The following CPQ variants were observed in gnomAD, a reference collection of about 807,000 sequenced individuals.
The protein encoded by CPQ is Ser-Met dipeptidase.
A neutral mutation model predicts 45.7 loss-of-function variants in CPQ; 37 were observed. The ratio of observed to expected loss-of-function variants is 0.81; its 90% CI spans 0.62 to 1.07. CPQ has a LOEUF of 1.07. Among genes scored for constraint, CPQ ranks in the 50% least tolerant of loss-of-function variants. The pLI is 0.00. For missense variants in CPQ, 537 were observed against 572.9 expected (o/e 0.94, Z 0.64); for synonymous variants, 186 against 205.8 (o/e 0.90, Z 0.82).
At position 96,786,690 on chromosome 8, in the gene CPQ, A is replaced by G. The variant is rs180865313; in HGVS notation, c.433+1360A>G. Among the ~76,000 whole-genome samples the G allele has an allele frequency of 3.7e-3, 566 of 152,114 alleles. 8 individuals carry two copies. The highest frequency in any genetic ancestry group is 0.011 in the Admixed American group (173 of 15,248). ...CATATGCTTGCCAACACTTGTTATTATCTGTCTTCTTGGTTATAGCTATTC... is the reference window on the plus strand; with the variant it reads ...CATATGCTTGCCAACACTTGTTATTGTCTGTCTTCTTGGTTATAGCTATTC... On this transcript the variant is annotated intron_variant, in intron 2 of 7. Coordinates refer to ENST00000220763, the MANE Select transcript of CPQ (RefSeq NM_016134.4).
At chr8:96,690,390 T>A (rs1809290380) in intron 1 of CPQ, among the ~76,000 whole-genome samples, 1 of 152,160 alleles carries the variant, frequency 6.6e-6, no homozygotes, top group Admixed American at 6.6e-5. Context: ...AGTATTTTTT[T>A]TAATTTAGCT....
At chr8:97,008,682 A>G (rs933277416) in intron 5 of CPQ, among the ~76,000 whole-genome samples, 5 of 152,142 alleles carry the variant, frequency 3.3e-5, no homozygotes, top group Admixed American at 6.5e-5. Flanking sequence ...CCATTATTAT[A>G]TATGTGACCA....
At chr8:96,986,854 T>C (rs1808992296) in intron 5 of CPQ, among the ~76,000 whole-genome samples, 1 of 152,178 alleles carries the variant, frequency 6.6e-6, no homozygotes, top group Non-Finnish European at 1.5e-5. Flanking sequence ...TATTTTTCCA[T>C]AGGGAGAAAA....
rs569499762 is a variant in CPQ at position 97,122,866 on chromosome 8, C to A, written c.1256-20154C>A. 1.2e-3 allele frequency among the ~76,000 whole-genome samples: 174 copies of A among 139,648 alleles called. 1 individual carries two copies. The highest frequency in any genetic ancestry group is 4.5e-3 in the African/African-American group (166 of 36,704). The allele number at this position is 139,648 out of a possible 152,430, so 91.6% of individuals were successfully genotyped here. ...CACCACTGTACTCCAGCCTGGGCAA[C>A]AGAGTGAAACTCTGTCTCAATAAAA... On this transcript the variant is annotated intron_variant, in intron 7 of 7. Coordinates refer to ENST00000220763, the MANE Select transcript of CPQ (RefSeq NM_016134.4).
chr8:97,068,494 G>A (rs1563571574), intron 7 of CPQ, among the ~76,000 whole-genome samples: 1 of 152,102 alleles, frequency 6.6e-6, no homozygotes, highest in Non-Finnish European at 1.5e-5. Flanking sequence ...TTAGCCGGAT[G>A]TGGTGGTGCA....
At chr8:97,066,347 T>G in intron 7 of CPQ, 137 bp downstream of exon 7, 1 of 722,922 alleles carries the variant, frequency 1.4e-6, no homozygotes, top group Non-Finnish European at 2.2e-6. Context: ...CAAGGTATAA[T>G]CTGATGATTT....
intron 3 of CPQ, among the ~76,000 whole-genome samples, chr8:96,842,779 C>T (rs767195022): frequency 1.1e-4 from 17 of 152,212 alleles, no homozygotes; most frequent in Admixed American, 2.6e-4. Flanking sequence ...GACTCCATGC[C>T]TGTGTCTTTG....
intron 1 of CPQ, among the ~76,000 whole-genome samples, chr8:96,775,185 C>T (rs1158685172): frequency 6.6e-6 from 1 of 152,106 alleles, no homozygotes; most frequent in Non-Finnish European, 1.5e-5. Flanking sequence ...TTGTTGAATT[C>T]ACTTAAATAC....
intron 3 of CPQ, among the ~76,000 whole-genome samples, chr8:96,866,230 A>G (rs972100794): frequency 6.6e-6 from 1 of 152,048 alleles, no homozygotes; most frequent in African/African-American, 2.4e-5. Flanking sequence ...TGGCCAGTCA[A>G]CCTGGTAACC....
chr8:96,847,836 CTTTTT>C (rs76194040), intron 3 of CPQ, among the ~76,000 whole-genome samples: 1 of 84,532 alleles, frequency 1.2e-5, no homozygotes, highest in Non-Finnish European at 2.6e-5. Flanking sequence ...ATTTGTTTTC[CTTTTT>C]TTTTTTTTTT....
intron 2 of CPQ, among the ~76,000 whole-genome samples, chr8:96,802,202 T>C (rs1439561981): frequency 1.3e-5 from 2 of 152,286 alleles, no homozygotes; most frequent in African/African-American, 2.4e-5. Flanking sequence ...TCACCAACAG[T>C]GTAGTCCAAG....
At chr8:97,106,656 A>C (rs962131522) in intron 7 of CPQ, among the ~76,000 whole-genome samples, 7 of 152,236 alleles carry the variant, frequency 4.6e-5, no homozygotes, top group African/African-American at 1.4e-4. Context: ...GGTAGAGAGT[A>C]TGATGCTAAG....
intron 5 of CPQ, among the ~76,000 whole-genome samples, chr8:96,970,603 G>C (rs971994690): frequency 6.8e-6 from 1 of 147,444 alleles, no homozygotes; most frequent in African/African-American, 2.5e-5. Context: ...TCGCTCTGTC[G>C]CCCAGGCTGG....
intron 1 of CPQ, among the ~76,000 whole-genome samples, chr8:96,672,808 G>A (rs1356048711): frequency 6.6e-6 from 1 of 152,052 alleles, no homozygotes; most frequent in African/African-American, 2.4e-5. Context: ...GTCAAGGAGT[G>A]CTTCTTTGAG....
intron 6 of CPQ, among the ~76,000 whole-genome samples, chr8:97,053,192 C>T (rs938787779): frequency 1.3e-5 from 2 of 152,178 alleles, no homozygotes; most frequent in Non-Finnish European, 2.9e-5. Flanking sequence ...TTTATTCATT[C>T]AGTCAGCACA....
At chr8:97,026,147 T>TCC (rs967652597) in intron 5 of CPQ, among the ~76,000 whole-genome samples, 3 of 152,198 alleles carry the variant, frequency 2.0e-5, no homozygotes, top group Non-Finnish European at 2.9e-5. Flanking sequence ...CACCTAGTTC[T>TCC]CCCACATGCT....
Position 96,715,612 on chromosome 8 carries a change from G to A in CPQ, c.-34-69252G>A, listed in dbSNP as rs77658449. On this transcript the variant is annotated intron_variant, in intron 1 of 7. Coordinates refer to ENST00000220763, the MANE Select transcript of CPQ (RefSeq NM_016134.4). ...TCCCCTTCTCCAAGACCCTTCATGA[G>A]TACCAGGGCTGCCCAAGTATTGGAT... Among the ~76,000 whole-genome samples, 598 of 152,292 alleles carry A rather than the reference G, an allele frequency of 3.9e-3. 3 individuals are homozygous for A. Among genetic ancestry groups the A allele is most frequent in the Non-Finnish European group, 5.9e-3 (401 of 68,022 alleles).
At chr8:97,095,636 C>T (rs1811198961) in intron 7 of CPQ, among the ~76,000 whole-genome samples, 1 of 152,188 alleles carries the variant, frequency 6.6e-6, no homozygotes, top group Non-Finnish European at 1.5e-5. Flanking sequence ...GTGGACTTAA[C>T]TCTGGCCATA....
chr8:96,702,481 T>G (rs921216088), intron 1 of CPQ, among the ~76,000 whole-genome samples: 1 of 152,318 alleles, frequency 6.6e-6, no homozygotes, highest in Middle Eastern at 3.4e-3. Flanking sequence ...TACTGAAAGT[T>G]TAAGATAATA....
Sources: allele counts gnomAD v4.1 joint callset (sites outside exome capture counted in the v4.1 genomes callset), GRCh38; gene constraint gnomAD v4.1.1; transcripts MANE v1.5; gene names NCBI Gene and HGNC (gene_info 2026-07-23, HGNC 2026-07-21).